The following GALNTL6 variants were observed in gnomAD, a reference collection of about 807,000 sequenced individuals.
The protein encoded by GALNTL6 is polypeptide N-acetylgalactosaminyltransferase-like 6.
In GALNTL6, 46 loss-of-function variants were observed where a neutral mutation model predicts 73.7. That is an observed-to-expected ratio of 0.62 (90% CI 0.49 to 0.80). The LOEUF (loss-of-function observed/expected upper bound fraction) is 0.80. Among genes scored for constraint, GALNTL6 ranks in the 30% least tolerant of loss-of-function variants. The probability of loss-of-function intolerance (pLI) is 0.00; values close to 1 mark genes in which losing one functional copy is unlikely to be tolerated. For synonymous variants in GALNTL6, 259 were observed against 263.7 expected, an observed-to-expected ratio of 0.98 and a Z score of 0.17; for missense variants, 604 against 755.0, an observed-to-expected ratio of 0.80 and a Z score of 2.34.
chr4:172,706,390 TAC>T (rs1242057708), intron 5 of GALNTL6, among the ~76,000 whole-genome samples: 1 of 152,124 alleles, frequency 6.6e-6, no homozygotes, highest in African/African-American at 2.4e-5. Flanking sequence ...CAGATTTCCT[TAC>T]ACTGCTGGTT....
chr4:172,741,151 G>T (rs1212209800), intron 5 of GALNTL6, among the ~76,000 whole-genome samples: 1 of 152,032 alleles, frequency 6.6e-6, no homozygotes, highest in Non-Finnish European at 1.5e-5. Context: ...GAAGCCAATG[G>T]GTTTTGCTCC....
chr4:172,802,304 A>G (rs1740695757), intron 5 of GALNTL6, among the ~76,000 whole-genome samples: 1 of 152,228 alleles, frequency 6.6e-6, no homozygotes, highest in Non-Finnish European at 1.5e-5. Flanking sequence ...CTGGAATGTA[A>G]CAAAAGCCCA....
intron 3 of GALNTL6, among the ~76,000 whole-genome samples, chr4:172,305,445 T>C (rs938344550): frequency 6.6e-6 from 1 of 152,164 alleles, no homozygotes; most frequent in Admixed American, 6.5e-5. Context: ...CTAATTCTCA[T>C]ATTTAAAGAA....
At chr4:171,938,999 A>T (rs1738439415) in intron 2 of GALNTL6, among the ~76,000 whole-genome samples, 1 of 152,056 alleles carries the variant, frequency 6.6e-6, no homozygotes, top group Non-Finnish European at 1.5e-5. Flanking sequence ...TCACAATAGT[A>T]GGTGGTGGTT....
At position 172,622,109 on chromosome 4, in the gene GALNTL6, C is replaced by A. The variant is rs188406189; in HGVS notation, c.554-187252C>A. 3.0e-3 allele frequency among the ~76,000 whole-genome samples: 460 copies of A among 151,872 alleles called. 2 individuals carry two copies. The highest frequency in any genetic ancestry group is 0.011 in the African/African-American group (443 of 41,394). The stretch of plus-strand genomic sequence containing the variant: ...AAGTTTTTTGTTTTAAAGATAAAAT[C>A]TCATATGAAATTGGAGCAAGTAAAA... On this transcript the variant is annotated intron_variant, in intron 5 of 12. Coordinates refer to ENST00000506823, the MANE Select transcript of GALNTL6 (RefSeq NM_001034845.3).
intron 2 of GALNTL6, among the ~76,000 whole-genome samples, chr4:172,204,104 T>G (rs981273325): frequency 3.3e-5 from 5 of 152,166 alleles, no homozygotes; most frequent in Admixed American, 2.6e-4. Context: ...ATCTATCAAT[T>G]AAAAATTATG....
intron 2 of GALNTL6, 136 bp from the exon 3 acceptor site, chr4:172,229,520 T>G: frequency 3.3e-6 from 2 of 604,464 alleles, no homozygotes; most frequent in South Asian, 4.2e-5. Context: ...AGCGATAGCT[T>G]TCTTTTCATT....
At chr4:172,410,586 CT>C (rs1183061858) in intron 5 of GALNTL6, among the ~76,000 whole-genome samples, 2 of 151,972 alleles carry the variant, frequency 1.3e-5, no homozygotes, top group African/African-American at 2.4e-5. Flanking sequence ...CATGTCATCC[CT>C]TATGGTCTGC....
At chr4:172,504,180 C>A (rs1217558706) in intron 5 of GALNTL6, among the ~76,000 whole-genome samples, 25 of 9,668 alleles carry the variant, frequency 2.6e-3, no homozygotes, top group Non-Finnish European at 5.1e-3. Flanking sequence ...AAAAAAAAAA[C>A]TCACACCTTG....
intron 2 of GALNTL6, among the ~76,000 whole-genome samples, chr4:171,996,745 TCA>T (rs2110749575): frequency 7.6e-6 from 1 of 131,938 alleles, no homozygotes; most frequent in Non-Finnish European, 1.6e-5. Flanking sequence ...AAAAAAAAAC[TCA>T]CAGTGTCTTA....
At chr4:172,110,652 C>T (rs1312046742) in intron 2 of GALNTL6, among the ~76,000 whole-genome samples, 1 of 152,140 alleles carries the variant, frequency 6.6e-6, no homozygotes, top group Non-Finnish European at 1.5e-5. Context: ...TTGTACAGAA[C>T]AGACTCCAGA....
chr4:172,145,209 T>A (rs1265338400), intron 2 of GALNTL6, among the ~76,000 whole-genome samples: 1 of 151,938 alleles, frequency 6.6e-6, no homozygotes, highest in South Asian at 2.1e-4. Flanking sequence ...GCGAGATCTC[T>A]GCTCACTGCA....
At chr4:172,705,126 C>T (rs1017494482) in intron 5 of GALNTL6, among the ~76,000 whole-genome samples, 3 of 151,498 alleles carry the variant, frequency 2.0e-5, no homozygotes, top group Non-Finnish European at 4.4e-5. Context: ...TACTTTTATC[C>T]ATTCACCCAC....
intron 2 of GALNTL6, among the ~76,000 whole-genome samples, chr4:172,027,985 G>A (rs1451647755): frequency 6.6e-6 from 1 of 152,056 alleles, no homozygotes; most frequent in Non-Finnish European, 1.5e-5. Context: ...AAGTATAGCG[G>A]GAAGGGCTGA....
intron 5 of GALNTL6, among the ~76,000 whole-genome samples, chr4:172,723,792 A>T (rs60567045): frequency 0.77 from 116,332 of 151,724 alleles, 45,728 homozygotes; most frequent in Middle Eastern, 0.89. Flanking sequence ...CACTTTAGGT[A>T]TCAAAGAGTG....
At chr4:172,710,333 A>G (rs965812705) in intron 5 of GALNTL6, among the ~76,000 whole-genome samples, 1 of 152,182 alleles carries the variant, frequency 6.6e-6, no homozygotes, top group Non-Finnish European at 1.5e-5. Flanking sequence ...ACACACAAGC[A>G]TAAGGATTTT....
intron 11 of GALNTL6, among the ~76,000 whole-genome samples, chr4:173,011,000 C>T (rs1157758235): frequency 6.6e-6 from 1 of 152,122 alleles, no homozygotes; most frequent in Non-Finnish European, 1.5e-5. Context: ...CCCATTTCTC[C>T]GTATCCTCAA....
chr4:172,584,804 T>C (rs1579213037), intron 5 of GALNTL6, among the ~76,000 whole-genome samples: 1 of 152,064 alleles, frequency 6.6e-6, no homozygotes, highest in Admixed American at 6.5e-5. Flanking sequence ...TGAATAGAGG[T>C]TTGGGAATTC....
chr4:172,552,999 T>C (rs982679360), intron 5 of GALNTL6, among the ~76,000 whole-genome samples: 6 of 152,148 alleles, frequency 3.9e-5, no homozygotes, highest in African/African-American at 1.4e-4. Context: ...GTGTATTTTA[T>C]ATACCCAAGT....
Sources: gnomAD v4.1 joint callset for allele counts (sites outside exome capture counted in the v4.1 genomes callset) on GRCh38, gnomAD v4.1.1 for gene constraint, MANE v1.5 for transcripts, NCBI Gene and HGNC (gene_info 2026-07-23, HGNC 2026-07-21) for gene names.